The following GRHL2 variants were observed in gnomAD, a reference collection of about 807,000 sequenced individuals.
GRHL2 encodes grainyhead like transcription factor 2.
GRHL2 carries 21 observed loss-of-function variants against 83.8 expected under a neutral mutation model. The ratio of observed to expected loss-of-function variants is 0.25; its 90% CI spans 0.18 to 0.36. The LOEUF is 0.36. Among genes scored for constraint, GRHL2 ranks in the 10% least tolerant of loss-of-function variants. The pLI is 1.00. For missense variants in GRHL2, 623 were observed against 781.8 expected, an observed-to-expected ratio of 0.80 and a Z score of 2.42; for synonymous variants, 280 against 278.9, an observed-to-expected ratio of 1.00 and a Z score of -0.04.
chr8:101,680,340 T>C, the GRHL2 span, among the ~76,000 whole-genome samples: 1 of 143,916 alleles, frequency 6.9e-6, no homozygotes, highest in African/African-American at 2.6e-5. Flanking sequence ...GGCCATTACA[T>C]AATGGTAAAG....
chr8:101,598,996 A>G (rs1812455705), intron 7 of GRHL2, 61 bp from the exon 8 acceptor site: 1 of 1,120,348 alleles, frequency 8.9e-7, no homozygotes, highest in East Asian at 2.4e-5. Flanking sequence ...ATGATGGTTC[A>G]GTACATGTCA....
chr8:101,511,285 G>A (rs1350946322), intron 1 of GRHL2, among the ~76,000 whole-genome samples: 1 of 152,126 alleles, frequency 6.6e-6, no homozygotes, highest in African/African-American at 2.4e-5. Context: ...AACCTTTGGG[G>A]CAAAGGCTAA....
At chr8:101,522,903 A>G (rs1810718561) in intron 1 of GRHL2, among the ~76,000 whole-genome samples, 1 of 150,962 alleles carries the variant, frequency 6.6e-6, no homozygotes, top group Non-Finnish European at 1.5e-5. Context: ...GTAGAAATCT[A>G]TTATTCTTTG....
intron 2 of GRHL2, among the ~76,000 whole-genome samples, chr8:101,547,186 A>T (rs1216505087): frequency 6.6e-6 from 1 of 152,204 alleles, no homozygotes. Flanking sequence ...CCTTGAGGAT[A>T]GACCTTTTTC....
At chr8:101,659,714 A>C (rs1434837794) in intron 14 of GRHL2, among the ~76,000 whole-genome samples, 2 of 152,196 alleles carry the variant, frequency 1.3e-5, no homozygotes, top group Admixed American at 6.5e-5. Context: ...GATGCCAGGC[A>C]TGGGAGGAAG....
chr8:101,643,725 G>A (rs997134142), intron 12 of GRHL2, among the ~76,000 whole-genome samples: 3 of 152,238 alleles, frequency 2.0e-5, no homozygotes, highest in African/African-American at 7.2e-5. Flanking sequence ...CTGGCAAAAG[G>A]GGGCAGGCCA....
At chr8:101,527,189 A>G in intron 1 of GRHL2, among the ~76,000 whole-genome samples, 1 of 152,216 alleles carries the variant, frequency 6.6e-6, no homozygotes, top group East Asian at 1.9e-4. Context: ...ACACCATACT[A>G]TGGAAATTGT....
chr8:101,547,874 C>T (rs1811297587), intron 2 of GRHL2, among the ~76,000 whole-genome samples: 1 of 152,230 alleles, frequency 6.6e-6, no homozygotes, highest in South Asian at 2.1e-4. Flanking sequence ...GTTTAAACTA[C>T]TTACCAGTAA....
chr8:101,637,152 C>G (rs763059127), intron 12 of GRHL2, among the ~76,000 whole-genome samples: 1 of 152,148 alleles, frequency 6.6e-6, no homozygotes, highest in Non-Finnish European at 1.5e-5. Flanking sequence ...CCCGCTTCCT[C>G]CCTAAGACCC....
At chr8:101,553,191 T>C (rs1811420640) in intron 3 of GRHL2, among the ~76,000 whole-genome samples, 1 of 152,222 alleles carries the variant, frequency 6.6e-6, no homozygotes, top group African/African-American at 2.4e-5. Context: ...GGTTGGGCTC[T>C]TTCTCAGCCA....
chr8:101,646,634 AAG>A (rs1813516595), intron 13 of GRHL2, among the ~76,000 whole-genome samples: 1 of 152,220 alleles, frequency 6.6e-6, no homozygotes, highest in Non-Finnish European at 1.5e-5. Flanking sequence ...GAAGTTCTCC[AAG>A]AGAGAGAATG....
At chr8:101,535,952 C>T (rs1811037668) in intron 1 of GRHL2, among the ~76,000 whole-genome samples, 1 of 152,030 alleles carries the variant, frequency 6.6e-6, no homozygotes, top group Admixed American at 6.6e-5. Flanking sequence ...AAGGGAGGCC[C>T]TGAAAGATTA....
At chr8:101,656,523 A>G (rs1033694877) in intron 14 of GRHL2, among the ~76,000 whole-genome samples, 2 of 152,220 alleles carry the variant, frequency 1.3e-5, no homozygotes, top group Admixed American at 6.5e-5. Context: ...AGTTATCACA[A>G]GAAGGATAAA....
intron 13 of GRHL2, among the ~76,000 whole-genome samples, chr8:101,644,766 AGT>A (rs934299375): frequency 1.3e-5 from 2 of 152,182 alleles, no homozygotes; most frequent in Admixed American, 6.5e-5. Flanking sequence ...GTAAGAGGAA[AGT>A]GTGTGGGTGC....
intron 6 of GRHL2, among the ~76,000 whole-genome samples, chr8:101,577,104 C>T (rs1811948641): frequency 6.6e-6 from 1 of 152,008 alleles, no homozygotes; most frequent in Admixed American, 6.6e-5. Context: ...TTTCTGCTGA[C>T]CTCACAAAAT....
rs189961629 is a variant in GRHL2, at chr8:101,667,892, T to G, written c.*1189T>G. The G allele has an allele frequency of 5.9e-5, 9 of 152,846 alleles. No individual in the cohort carries two copies. In the East Asian group the frequency reaches 1.2e-3, roughly 20 times the overall value. 9.5% of individuals were successfully genotyped at this position (152,846 alleles called of 1,614,324 possible). A position where few individuals can be genotyped will look rare whatever the true frequency, so the allele number is the denominator to read the frequency against. On this transcript the variant is annotated 3_prime_UTR_variant, in exon 16 of 16. Transcript: ENST00000646743. ...ACGCCCTTCATCTCAAGTGGCCCTT[T>G]AAAAGGCCTGCTGCCATGTGAGAGC...
chr8:101,544,708 C>T (rs1811225619), intron 2 of GRHL2, among the ~76,000 whole-genome samples: 1 of 152,146 alleles, frequency 6.6e-6, no homozygotes, highest in Admixed American at 6.5e-5. Context: ...AACTGAATCC[C>T]ACCTTCCCTT....
intron 8 of GRHL2, among the ~76,000 whole-genome samples, chr8:101,603,912 A>G (rs1054385339): frequency 1.1e-4 from 16 of 150,634 alleles, no homozygotes; most frequent in Admixed American, 8.7e-4. Flanking sequence ...GAGCACTGAA[A>G]TGGAGTTCAG....
At position 101,669,672 on chromosome 8, in the gene GRHL2, A is replaced by AT. The variant is rs1814169049; in HGVS notation, c.*2975dup. On this transcript the variant is annotated 3_prime_UTR_variant, in exon 16 of 16. Transcript: ENST00000646743. ...TATAAACTATAAATACAGTTATTTT[A>AT]TTTTTTGTACATTTTTAAGGAGAAA... The AT allele has an allele frequency of 6.9e-6, 1 of 145,586 alleles. No homozygotes were observed. The highest frequency in any genetic ancestry group is 2.6e-5 in the African/African-American group (1 of 38,438). 9.0% of individuals were successfully genotyped at this position (145,586 alleles called of 1,614,324 possible). A position where few individuals can be genotyped will look rare whatever the true frequency, so the allele number is the denominator to read the frequency against.
Sources: allele counts gnomAD v4.1 joint callset (sites outside exome capture counted in the v4.1 genomes callset), GRCh38; gene constraint gnomAD v4.1.1; transcripts MANE v1.5; gene names NCBI Gene and HGNC (gene_info 2026-07-23, HGNC 2026-07-21).